The following DGKB variants were observed in gnomAD, a reference collection of about 807,000 sequenced individuals.
DGKB encodes diacylglycerol kinase beta, also known as 90 kDa diacylglycerol kinase.
Under a neutral mutation model 114.3 loss-of-function variants are expected in DGKB, and 67 were observed. The ratio of observed to expected loss-of-function variants is 0.59; its 90% confidence interval spans 0.48 to 0.72. The LOEUF (loss-of-function observed/expected upper bound fraction) is 0.72. DGKB is among the 30% of genes least tolerant of loss of function. The probability of loss-of-function intolerance (pLI) is 0.00; values close to 1 mark genes in which losing one functional copy is unlikely to be tolerated. For synonymous variants in DGKB, 398 were observed against 323.1 expected (o/e 1.23, Z -2.49); for missense variants, 907 against 975.2 (o/e 0.93, Z 0.93).
chr7:14,244,902 T>C (rs767932159), intron 23 of DGKB, among the ~76,000 whole-genome samples: 24 of 152,048 alleles, frequency 1.6e-4, no homozygotes, highest in Non-Finnish European at 2.9e-4. Flanking sequence ...TTCTGTTATC[T>C]GTAAGCCACC....
At chr7:14,231,731 A>C (rs1366072986) in intron 23 of DGKB, among the ~76,000 whole-genome samples, 1 of 151,940 alleles carries the variant, frequency 6.6e-6, no homozygotes, top group East Asian at 1.9e-4. Flanking sequence ...ACTGTGTTCT[A>C]TTCCCTAATA....
At chr7:14,844,199 G>A (rs1345491705) in intron 1 of DGKB, among the ~76,000 whole-genome samples, 1 of 152,198 alleles carries the variant, frequency 6.6e-6, no homozygotes, top group African/African-American at 2.4e-5. Flanking sequence ...ATAGTTGCTG[G>A]CAAGTGCCCT....
At chr7:14,447,947 A>G (rs1002027781) in intron 21 of DGKB, among the ~76,000 whole-genome samples, 91 of 152,138 alleles carry the variant, frequency 6.0e-4, no homozygotes, top group Admixed American at 3.9e-4. Flanking sequence ...ACAGAGTGAC[A>G]TTTAAATGCC....
intron 2 of DGKB, among the ~76,000 whole-genome samples, chr7:14,784,367 C>CTTTTT (rs1216046590): frequency 2.3e-5 from 3 of 129,212 alleles, no homozygotes; most frequent in African/African-American, 6.0e-5. Context: ...AAATTATATG[C>CTTTTT]TTTTTTTTTT....
At chr7:14,344,611 T>C (rs1291005709) in intron 22 of DGKB, among the ~76,000 whole-genome samples, 1 of 151,642 alleles carries the variant, frequency 6.6e-6, no homozygotes, top group Non-Finnish European at 1.5e-5. Context: ...TTTGTCAAAA[T>C]ATAACTTTTC....
intron 1 of DGKB, among the ~76,000 whole-genome samples, chr7:14,936,552 C>T (rs1211153886): frequency 6.6e-6 from 1 of 151,998 alleles, no homozygotes; most frequent in East Asian, 1.9e-4. Flanking sequence ...TTTGATTTGT[C>T]TATAATGATT....
chr7:14,405,907 A>G (rs963567510), intron 21 of DGKB, among the ~76,000 whole-genome samples: 3 of 152,014 alleles, frequency 2.0e-5, no homozygotes, highest in African/African-American at 7.2e-5. Flanking sequence ...AATAGATGAG[A>G]ATCCAATCTT....
At chr7:14,158,310 C>G (rs985442946) in intron 25 of DGKB, among the ~76,000 whole-genome samples, 2 of 152,190 alleles carry the variant, frequency 1.3e-5, no homozygotes, top group African/African-American at 4.8e-5. Flanking sequence ...TTATGGCCAT[C>G]TGCCTTCTCC....
At chr7:14,498,514 G>T (rs531478686) in intron 20 of DGKB, among the ~76,000 whole-genome samples, 15 of 151,848 alleles carry the variant, frequency 9.9e-5, no homozygotes, top group African/African-American at 3.6e-4. Flanking sequence ...TGCTGAACAG[G>T]AGTAGAACTA....
intron 15 of DGKB, among the ~76,000 whole-genome samples, chr7:14,615,065 A>G (rs1806268886): frequency 6.6e-6 from 1 of 152,040 alleles, no homozygotes; most frequent in Non-Finnish European, 1.5e-5. Context: ...TTTATTTCTC[A>G]TCCTATTACA....
intron 2 of DGKB, among the ~76,000 whole-genome samples, chr7:14,766,635 C>A (rs1360525915): frequency 6.6e-6 from 1 of 151,726 alleles, no homozygotes; most frequent in Admixed American, 6.6e-5. Flanking sequence ...AATAGAGAAG[C>A]CTGGGCTGAA....
intron 20 of DGKB, among the ~76,000 whole-genome samples, chr7:14,557,703 CATTTTT>C (rs1315012374): frequency 6.6e-6 from 1 of 151,246 alleles, no homozygotes; most frequent in East Asian, 1.9e-4. Context: ...ATACTTTTTC[CATTTTT>C]ATTTCCATTT....
chr7:14,382,927 A>G (rs1819715838), intron 21 of DGKB, among the ~76,000 whole-genome samples: 1 of 152,180 alleles, frequency 6.6e-6, no homozygotes, highest in Non-Finnish European at 1.5e-5. Context: ...GGAATCCTTT[A>G]GGAAATTAAG....
chr7:14,693,941 T>C (rs1823361329), intron 9 of DGKB, 134 bp downstream of exon 9: 2 of 953,660 alleles, frequency 2.1e-6, no homozygotes, highest in Admixed American at 5.5e-5. Context: ...CACCGTGGCA[T>C]ACTTATTAAA....
At chr7:14,461,479 T>A (rs1833071246) in intron 21 of DGKB, among the ~76,000 whole-genome samples, 1 of 151,930 alleles carries the variant, frequency 6.6e-6, no homozygotes, top group Non-Finnish European at 1.5e-5. Flanking sequence ...TAAATACCAC[T>A]ATGTAAATAA....
intron 17 of DGKB, among the ~76,000 whole-genome samples, chr7:14,596,112 T>A (rs1172486905): frequency 6.6e-6 from 1 of 152,190 alleles, no homozygotes; most frequent in East Asian, 1.9e-4. Context: ...TTATAAAACA[T>A]GTACTTTACA....
At chr7:14,796,687 T>TTA (rs547143057) in intron 2 of DGKB, among the ~76,000 whole-genome samples, 1 of 140,956 alleles carries the variant, frequency 7.1e-6, no homozygotes, top group Admixed American at 7.1e-5. Context: ...TTCTAGAAAG[T>TTA]AAAAAAAAAA....
At chr7:14,840,155 CACA>C (rs1847723787) in intron 2 of DGKB, among the ~76,000 whole-genome samples, 1 of 152,136 alleles carries the variant, frequency 6.6e-6, no homozygotes, top group African/African-American at 2.4e-5. Context: ...TCTTATATCC[CACA>C]ACATCTTTCT....
At chr7:14,475,487 T>C (rs1184506150) in intron 21 of DGKB, among the ~76,000 whole-genome samples, 3 of 152,158 alleles carry the variant, frequency 2.0e-5, no homozygotes, top group African/African-American at 7.2e-5. Flanking sequence ...ACATGCCTAA[T>C]TGACGTGGTA....
Sources: gnomAD v4.1 joint callset for allele counts (sites outside exome capture counted in the v4.1 genomes callset) on GRCh38, gnomAD v4.1.1 for gene constraint, MANE v1.5 for transcripts, NCBI Gene and HGNC (gene_info 2026-07-23, HGNC 2026-07-21) for gene names.